Variants in ADIPOR1 observed in about 807,000 individuals in gnomAD.
ADIPOR1 encodes the protein adiponectin receptor protein 1.
Under a neutral mutation model 37.5 loss-of-function variants are expected in ADIPOR1, and 15 were observed. That is an observed-to-expected ratio of 0.40 (90% CI 0.27 to 0.62). The LOEUF is 0.62. ADIPOR1 is among the 20% of genes least tolerant of loss of function. ADIPOR1 has a pLI of 0.42. For missense variants in ADIPOR1, 286 were observed against 478.0 expected, an observed-to-expected ratio of 0.60 and a Z score of 3.75; for synonymous variants, 173 against 173.2, an observed-to-expected ratio of 1.00 and a Z score of 0.01.
intron 7 of ADIPOR1, 145 bp from the exon 8 acceptor site, chr1:202,941,846 A>AAGTTTATATTTAG: frequency 3.1e-6 from 4 of 1,286,106 alleles, no homozygotes; most frequent in Non-Finnish European, 4.2e-6. Context: ...GAAAGTTTTA[A>AAGTTTATATTTAG]AAACACAGTC....
rs1039533063 is a variant in ADIPOR1, at chr1:202,958,190, G to A, written c.-100C>T. On this transcript the variant is annotated 5_prime_UTR_variant, in exon 1 of 8. Transcript: ENST00000340990. ...GCAGCCCCTGGGAGACTTACAGCCG[G>A]GCAGGCGGGCTCTGCTGGGGGCCGC... 2.0e-5 allele frequency: 3 copies of A among 152,070 alleles called. No homozygotes were observed. Among genetic ancestry groups the A allele is most frequent in the African/African-American group, 7.2e-5 (3 of 41,472 alleles). 9.4% of individuals were successfully genotyped at this position (152,070 alleles called of 1,614,324 possible). A position where few individuals can be genotyped will look rare whatever the true frequency, so the allele number is the denominator to read the frequency against.
chr1:202,955,777 C>T (rs1477524520), intron 1 of ADIPOR1, among the ~76,000 whole-genome samples: 2 of 152,000 alleles, frequency 1.3e-5, no homozygotes, highest in African/African-American at 4.8e-5. Context: ...CCAATGCCAG[C>T]CCCCACTTTT....
chr1:202,948,354 G>A lies in ADIPOR1; in HGVS notation c.208C>T (p.Pro70Ser), dbSNP rs574996973. Reference sequence around the variant, plus strand: ...TCCATGGCGTGGTGGGCTTGCAGGGGAAGTGTCAGTACCCGCACCTCCTCC... The same window carrying A: ...TCCATGGCGTGGTGGGCTTGCAGGGAAAGTGTCAGTACCCGCACCTCCTCC... ...EEEEVRVLTL[P>S]LQAHHAMEKM... The change falls in exon 3 of 8, where the codon CCC (proline) becomes TCC (serine). Residue 70 changes from proline (P) to serine (S), a missense_variant. Pro to Ser is a moderately conservative substitution (Grantham distance 74). Coordinates refer to ENST00000340990, the MANE Select transcript of ADIPOR1 (RefSeq NM_015999.6). The A allele has an allele frequency of 6.2e-7, 1 of 1,613,992 alleles. No individual in the cohort carries two copies. The highest frequency in any genetic ancestry group is 2.2e-5 in the East Asian group (1 of 44,862).
intron 6 of ADIPOR1, among the ~76,000 whole-genome samples, chr1:202,942,494 T>C (rs1371480579): frequency 6.6e-6 from 1 of 152,182 alleles, no homozygotes; most frequent in Non-Finnish European, 1.5e-5. Context: ...TAGGTAAAAA[T>C]GGTATGTCAA....
At chr1:202,952,585 C>T (rs1215449885) in intron 1 of ADIPOR1, among the ~76,000 whole-genome samples, 1 of 152,134 alleles carries the variant, frequency 6.6e-6, no homozygotes, top group Non-Finnish European at 1.5e-5. Flanking sequence ...GCTGGGACAC[C>T]CTTCTTTTCC....
At chr1:202,952,247 A>C (rs1654605357) in intron 1 of ADIPOR1, among the ~76,000 whole-genome samples, 1 of 152,200 alleles carries the variant, frequency 6.6e-6, no homozygotes, top group Non-Finnish European at 1.5e-5. Flanking sequence ...ATTTTCTTGC[A>C]TTGGTTACCC....
At chr1:202,947,521 A>AT (rs545185116) in intron 3 of ADIPOR1, among the ~76,000 whole-genome samples, 2,484 of 152,104 alleles carry the variant, frequency 0.016, 64 homozygotes, top group African/African-American at 0.058. Context: ...TGTCTCAAAA[A>AT]AATATATATA....
chr1:202,957,136 G>A (rs16850807), intron 1 of ADIPOR1, among the ~76,000 whole-genome samples: 3,469 of 152,164 alleles, frequency 0.023, 131 homozygotes, highest in African/African-American at 0.079. Flanking sequence ...CTAAATTCCT[G>A]GCAGTATACA....
At position 202,946,480 on chromosome 1, in the gene ADIPOR1, C is replaced by A. The variant is rs956441099; in HGVS notation, c.389G>T (p.Arg130Leu). 5 of 1,614,046 alleles carry A rather than the reference C, an allele frequency of 3.1e-6. No homozygotes were observed. Among genetic ancestry groups the A allele is most frequent in the Non-Finnish European group, 1.7e-6 (2 of 1,180,030 alleles). Reference sequence around the variant, plus strand: ...GATGTTGCCAGTTTCTGTATGAATGCGGAAGATGCTCTTGAAGCAAGCCCG... The same window carrying A: ...GATGTTGCCAGTTTCTGTATGAATGAGGAAGATGCTCTTGAAGCAAGCCCG... Reference protein sequence around the residue: ...SFRACFKSIFRIHTETGNIWT... With the variant: ...SFRACFKSIFLIHTETGNIWT... The change falls in exon 4 of 8, where the codon CGC (arginine) becomes CTC (leucine). Residue 130 changes from arginine to leucine, a missense_variant. By Grantham distance (102) the Arg-to-Leu change is moderately radical. Coordinates refer to ENST00000340990, the MANE Select transcript of ADIPOR1 (RefSeq NM_015999.6).
At chr1:202,950,847 G>A (rs1411557964) in intron 2 of ADIPOR1, 83 bp downstream of exon 2, 14 of 1,555,870 alleles carry the variant, frequency 9.0e-6, no homozygotes, top group Admixed American at 5.2e-5. Context: ...CCTTTTGGAC[G>A]GTGAGCTCTT....
chr1:202,947,555 G>A (rs16850797), intron 3 of ADIPOR1, among the ~76,000 whole-genome samples: 1 of 151,762 alleles, frequency 6.6e-6, no homozygotes, highest in African/African-American at 2.4e-5. Context: ...ACCTCCTTTA[G>A]GCTACTTGAA....
chr1:202,957,421 T>G (rs1347364405), intron 1 of ADIPOR1, among the ~76,000 whole-genome samples: 2 of 152,026 alleles, frequency 1.3e-5, no homozygotes, highest in Non-Finnish European at 2.9e-5. Flanking sequence ...AAACTGAAAT[T>G]GGCCTTGTCA....
intron 3 of ADIPOR1, 125 bp downstream of exon 3, chr1:202,948,179 A>G (rs927932204): frequency 5.1e-6 from 4 of 785,446 alleles, no homozygotes; most frequent in South Asian, 3.8e-5. Flanking sequence ...CATCTTAACC[A>G]AAAAACAAAT....
In ADIPOR1 at chr1:202,946,616, A is replaced by G. The variant is rs776353126; in HGVS notation, c.259-6T>C. 6.2e-7 allele frequency: 1 copy of G among 1,613,904 alleles called. No homozygotes were observed. The highest frequency in any genetic ancestry group is 1.1e-5 in the South Asian group (1 of 91,068). ...CTCCAACGTCCCTCCCAGACCTAGA[A>G]CATATACACTTTCTCTGGGTAGGGC... On this transcript the variant is annotated splice_polypyrimidine_tract_variant and splice_region_variant and intron_variant, in intron 3 of 7. Transcript: ENST00000340990.
In ADIPOR1 at chr1:202,950,975, G is replaced by A. The variant is rs778272211; in HGVS notation, c.96C>T (p.Pro32=). ...CCCGTTTGCCCTTCTCTTCTAGCAG[G>A]GGTCCCAGTTCAGCCAGTTCCACCG... ...ADTVELAELG[P]LLEEKGKRVI... Residue 32 remains proline, a synonymous_variant, in exon 2 of 8, where the codon CCC becomes CCT. Coordinates refer to ENST00000340990, the MANE Select transcript of ADIPOR1 (RefSeq NM_015999.6). 3.1e-6 allele frequency: 5 copies of A among 1,614,160 alleles called. No homozygotes were observed. In the South Asian group the frequency reaches 3.3e-5, roughly 11 times the overall value.
rs918111374 is a variant in ADIPOR1, at chr1:202,941,339, T to C, written c.*234A>G. The C allele has an allele frequency of 5.4e-6, 2 of 372,356 alleles. No homozygotes were observed. The highest frequency in any genetic ancestry group is 9.5e-6 in the Non-Finnish European group (2 of 209,836). The allele number at this position is 372,356 out of a possible 1,614,324, so 23.1% of individuals were successfully genotyped here. On this transcript the variant is annotated 3_prime_UTR_variant, in exon 8 of 8. Coordinates refer to ENST00000340990, the MANE Select transcript of ADIPOR1 (RefSeq NM_015999.6). ...TCTCTGTGAGGGGCCGGTAGATGCC[T>C]TGCTGAGGAGGGGATGGCTAAGTTT... is the stretch of plus-strand genomic sequence containing the variant.
At chr1:202,954,690 T>A (rs963023251) in intron 1 of ADIPOR1, among the ~76,000 whole-genome samples, 3 of 152,208 alleles carry the variant, frequency 2.0e-5, no homozygotes, top group Admixed American at 6.5e-5. Context: ...TGGGTAAACC[T>A]AGGATATTAG....
At chr1:202,945,785 T>A (rs1177789716) in intron 4 of ADIPOR1, among the ~76,000 whole-genome samples, 1 of 152,198 alleles carries the variant, frequency 6.6e-6, no homozygotes, top group African/African-American at 2.4e-5. Flanking sequence ...CTGTATATGT[T>A]CTCACTTATA....
At chr1:202,948,626 G>A (rs1165600542) in intron 2 of ADIPOR1, among the ~76,000 whole-genome samples, 1 of 152,144 alleles carries the variant, frequency 6.6e-6, no homozygotes, top group African/African-American at 2.4e-5. Flanking sequence ...AAATGCTGGA[G>A]TGAACATTCT....
Sources: gnomAD v4.1 joint callset for allele counts (sites outside exome capture counted in the v4.1 genomes callset) on GRCh38, gnomAD v4.1.1 for gene constraint, MANE v1.5 for transcripts, NCBI Gene and HGNC (gene_info 2026-07-23, HGNC 2026-07-21) for gene names.